The following TMEM178B variants were observed in gnomAD, a reference collection of about 807,000 sequenced individuals.
TMEM178B encodes the protein transmembrane protein 178B.
In TMEM178B, 5 loss-of-function variants were observed where a neutral mutation model predicts 31.0. That is an observed-to-expected ratio of 0.16 (90% CI 0.08 to 0.34). The LOEUF is 0.34. Among genes scored for constraint, TMEM178B ranks in the 10% least tolerant of loss-of-function variants. TMEM178B has a pLI of 1.00. For synonymous variants in TMEM178B, 164 were observed against 164.0 expected, an observed-to-expected ratio of 1.00 and a Z score of 0.00; for missense variants, 275 against 400.3, an observed-to-expected ratio of 0.69 and a Z score of 2.67.
chr7:141,436,127 G>A (rs1349357134), intron 2 of TMEM178B, among the ~76,000 whole-genome samples: 2 of 152,196 alleles, frequency 1.3e-5, no homozygotes, highest in Admixed American at 6.5e-5. Flanking sequence ...TGCACCATAT[G>A]TCTTTTTGTT....
intron 2 of TMEM178B, among the ~76,000 whole-genome samples, chr7:141,359,758 A>T (rs1414390382): frequency 6.6e-6 from 1 of 152,202 alleles, no homozygotes. Flanking sequence ...CACCTGTATT[A>T]GTCTGTTTTC....
chr7:141,481,195 C>A (rs1285340277), downstream of TMEM178B, among the ~76,000 whole-genome samples: 1 of 152,214 alleles, frequency 6.6e-6, no homozygotes, highest in Non-Finnish European at 1.5e-5. Context: ...CCCCAGGGCC[C>A]TTCCTCTCTC....
At chr7:141,438,371 A>T (rs1200694089) in intron 3 of TMEM178B, among the ~76,000 whole-genome samples, 1 of 152,108 alleles carries the variant, frequency 6.6e-6, no homozygotes, top group Non-Finnish European at 1.5e-5. Context: ...GGTCCAGTCC[A>T]TGGGAAGTAA....
In TMEM178B at chr7:141,220,357, AAT is replaced by A. The variant is rs1210783625; in HGVS notation, c.496+7655_496+7656del. 2.0e-3 allele frequency among the ~76,000 whole-genome samples: 201 copies of A among 100,032 alleles called. 2 individuals are homozygous for A. Among genetic ancestry groups the A allele is most frequent in the Non-Finnish European group, 3.2e-3 (154 of 48,244 alleles). 65.6% of individuals were successfully genotyped at this position (100,032 alleles called of 152,430 possible). The stretch of plus-strand genomic sequence containing the variant: ...TAATAATAATAATAATAATAATAAT[AAT>A]AAAATAATAAATGCATGTGCATGTA... On this transcript the variant is annotated intron_variant, in intron 2 of 3. Transcript: ENST00000565468.
intron 1 of TMEM178B, among the ~76,000 whole-genome samples, chr7:141,162,141 A>G (rs1796185799): frequency 1.3e-5 from 2 of 152,200 alleles, no homozygotes; most frequent in African/African-American, 4.8e-5. Context: ...GTTTCCCCAC[A>G]GGAACTGCAG....
intron 2 of TMEM178B, among the ~76,000 whole-genome samples, chr7:141,238,022 TAAA>T (rs1207360561): frequency 1.2e-4 from 13 of 111,650 alleles, no homozygotes; most frequent in Non-Finnish European, 1.1e-4. Context: ...AGACTCTGTC[TAAA>T]AAAAAAAAAA....
chr7:141,231,107 T>C (rs914792312), intron 2 of TMEM178B, among the ~76,000 whole-genome samples: 1 of 152,196 alleles, frequency 6.6e-6, no homozygotes, highest in African/African-American at 2.4e-5. Context: ...TTTTTCTCTC[T>C]TGAAGTTCTT....
At chr7:141,489,292 A>C in the TMEM178B span, among the ~76,000 whole-genome samples, 1 of 152,150 alleles carries the variant, frequency 6.6e-6, no homozygotes, top group South Asian at 2.1e-4. Context: ...CTCAGTTTTA[A>C]ATCCTGCATC....
At chr7:141,360,910 A>T (rs1269579529) in intron 2 of TMEM178B, among the ~76,000 whole-genome samples, 1 of 152,166 alleles carries the variant, frequency 6.6e-6, no homozygotes, top group Non-Finnish European at 1.5e-5. Flanking sequence ...GGAAGAAAAA[A>T]AAAAGTGATT....
At chr7:141,236,591 A>G (rs1232527316) in intron 2 of TMEM178B, among the ~76,000 whole-genome samples, 1 of 152,210 alleles carries the variant, frequency 6.6e-6, no homozygotes, top group African/African-American at 2.4e-5. Context: ...TCTTCACTCC[A>G]GGGACAATTG....
the TMEM178B span, among the ~76,000 whole-genome samples, chr7:141,497,624 G>A: frequency 9.9e-5 from 15 of 152,072 alleles, no homozygotes; most frequent in Non-Finnish European, 7.4e-5. Flanking sequence ...GCATCCCTCC[G>A]TCTGTGGTCA....
intron 1 of TMEM178B, among the ~76,000 whole-genome samples, chr7:141,167,130 G>C (rs975355437): frequency 6.6e-6 from 1 of 152,200 alleles, no homozygotes; most frequent in Non-Finnish European, 1.5e-5. Context: ...TGACCTATGT[G>C]ATCTAAGGTC....
intron 2 of TMEM178B, among the ~76,000 whole-genome samples, chr7:141,256,240 GTAAACT>G (rs1797926051): frequency 6.6e-6 from 1 of 152,146 alleles, no homozygotes; most frequent in Non-Finnish European, 1.5e-5. Context: ...CCATAAACAA[GTAAACT>G]TAAATTAAAA....
chr7:141,339,004 G>A (rs879922030), intron 2 of TMEM178B, among the ~76,000 whole-genome samples: 2 of 152,172 alleles, frequency 1.3e-5, no homozygotes, highest in Admixed American at 6.5e-5. Flanking sequence ...CTTCCATGGC[G>A]GGTGTTGGGG....
intron 2 of TMEM178B, among the ~76,000 whole-genome samples, chr7:141,433,238 G>A (rs1801470739): frequency 6.6e-6 from 1 of 152,210 alleles, no homozygotes; most frequent in Non-Finnish European, 1.5e-5. Flanking sequence ...CCAAGGTGAT[G>A]TAGGAATCTA....
intron 2 of TMEM178B, among the ~76,000 whole-genome samples, chr7:141,229,748 C>A (rs1001933716): frequency 3.3e-5 from 5 of 151,862 alleles, no homozygotes; most frequent in South Asian, 2.1e-4. Context: ...CATAGTGAGA[C>A]CCTGTCTCTA....
At chr7:141,294,502 A>T (rs902807547) in intron 2 of TMEM178B, among the ~76,000 whole-genome samples, 1 of 152,208 alleles carries the variant, frequency 6.6e-6, no homozygotes, top group Non-Finnish European at 1.5e-5. Flanking sequence ...GAAAGAGACA[A>T]AGTTAGGCTC....
At chr7:141,343,815 C>T (rs573926412) in intron 2 of TMEM178B, among the ~76,000 whole-genome samples, 2 of 152,212 alleles carry the variant, frequency 1.3e-5, no homozygotes, top group African/African-American at 4.8e-5. Flanking sequence ...TCCCAAAGTG[C>T]TGGGATTACA....
At chr7:141,345,633 G>A (rs1216793915) in intron 2 of TMEM178B, among the ~76,000 whole-genome samples, 1 of 152,084 alleles carries the variant, frequency 6.6e-6, no homozygotes, top group Admixed American at 6.6e-5. Context: ...TGGTACAGAT[G>A]GTTCGTGTTT....
Sources: gnomAD v4.1 joint callset for allele counts (sites outside exome capture counted in the v4.1 genomes callset) on GRCh38, gnomAD v4.1.1 for gene constraint, MANE v1.5 for transcripts, NCBI Gene and HGNC (gene_info 2026-07-23, HGNC 2026-07-21) for gene names.